Variants in SYT1 observed in about 807,000 individuals in gnomAD.
SYT1 encodes the protein synaptotagmin-1.
A neutral mutation model predicts 44.8 loss-of-function variants in SYT1; 8 were observed. The ratio of observed to expected loss-of-function variants is 0.18; its 90% CI spans 0.10 to 0.32. The LOEUF (loss-of-function observed/expected upper bound fraction) is 0.32. Among genes scored for constraint, SYT1 ranks in the 10% least tolerant of loss-of-function variants. The pLI is 1.00. For missense variants in SYT1, 286 were observed against 509.3 expected (o/e 0.56, Z 4.22); for synonymous variants, 154 against 188.8 (o/e 0.82, Z 1.51).
At chr12:79,047,886 G>C (rs1256049478) in intron 3 of SYT1, among the ~76,000 whole-genome samples, 2 of 151,710 alleles carry the variant, frequency 1.3e-5, no homozygotes, top group South Asian at 4.1e-4. Context: ...GTATTTCCTA[G>C]AAATGTATTT....
intron 3 of SYT1, among the ~76,000 whole-genome samples, chr12:79,134,985 C>CCACA (rs201834566): frequency 0.022 from 3,212 of 147,954 alleles, 165 homozygotes; most frequent in East Asian, 0.18. Context: ...AATGTTCTCA[C>CCACA]CACACACACA....
At chr12:79,193,686 C>T (rs1015069887) in intron 3 of SYT1, among the ~76,000 whole-genome samples, 1 of 152,118 alleles carries the variant, frequency 6.6e-6, no homozygotes, top group East Asian at 1.9e-4. Context: ...TATGATCATG[C>T]CACTGCACTC....
At chr12:79,199,417 C>T (rs1191821982) in intron 3 of SYT1, among the ~76,000 whole-genome samples, 2 of 152,090 alleles carry the variant, frequency 1.3e-5, no homozygotes, top group African/African-American at 4.8e-5. Context: ...TCCCTCTCTC[C>T]ACTGTCAGCA....
chr12:79,100,842 A>T (rs982273930), intron 3 of SYT1, among the ~76,000 whole-genome samples: 4 of 152,074 alleles, frequency 2.6e-5, no homozygotes, highest in African/African-American at 7.2e-5. Context: ...ACTGTTTTTT[A>T]AAAACTTTGA....
chr12:79,148,537 A>G (rs528365345), intron 3 of SYT1, among the ~76,000 whole-genome samples: 1 of 152,166 alleles, frequency 6.6e-6, no homozygotes, highest in African/African-American at 2.4e-5. Context: ...TGGAGATGGC[A>G]CAATTTCACA....
intron 3 of SYT1, among the ~76,000 whole-genome samples, chr12:79,155,924 C>A (rs181048416): frequency 6.6e-6 from 1 of 152,218 alleles, no homozygotes; most frequent in Non-Finnish European, 1.5e-5. Flanking sequence ...CAGTGGATAA[C>A]TTGATTGCCT....
At chr12:79,037,832 C>A (rs1045881889) in intron 2 of SYT1, among the ~76,000 whole-genome samples, 1 of 151,786 alleles carries the variant, frequency 6.6e-6, no homozygotes, top group African/African-American at 2.4e-5. Flanking sequence ...CTACCTAATA[C>A]TCTTTAGTAG....
chr12:78,982,431 A>G (rs1164392930), intron 2 of SYT1, among the ~76,000 whole-genome samples: 2 of 152,192 alleles, frequency 1.3e-5, no homozygotes, highest in Non-Finnish European at 2.9e-5. Flanking sequence ...GGGAAAAAAT[A>G]ATTGTTCATC....
chr12:79,296,682 C>G (rs1231006807), intron 7 of SYT1, among the ~76,000 whole-genome samples: 1 of 152,118 alleles, frequency 6.6e-6, no homozygotes, highest in Admixed American at 6.6e-5. Flanking sequence ...GCAATTTGAG[C>G]ACTTCAAAGT....
chr12:79,382,024 CG>C, intron 9 of SYT1, among the ~76,000 whole-genome samples: 1 of 152,166 alleles, frequency 6.6e-6, no homozygotes, highest in African/African-American at 2.4e-5. Context: ...GATGAGACCA[CG>C]GGGGAGGAAG....
At chr12:79,043,734 C>CATG (rs1873774853) in intron 2 of SYT1, among the ~76,000 whole-genome samples, 2 of 152,180 alleles carry the variant, frequency 1.3e-5, no homozygotes, top group African/African-American at 2.4e-5. Context: ...ATGGTCTTTA[C>CATG]ATTTTGGCAT....
At chr12:79,395,873 A>G (rs1004859764) in intron 9 of SYT1, among the ~76,000 whole-genome samples, 16 of 152,232 alleles carry the variant, frequency 1.1e-4, no homozygotes, top group Non-Finnish European at 1.3e-4. Context: ...CATACTCAGT[A>G]AAGAACTATC....
intron 3 of SYT1, among the ~76,000 whole-genome samples, chr12:79,205,878 TA>T (rs1252329040): frequency 6.6e-6 from 1 of 152,196 alleles, no homozygotes; most frequent in Non-Finnish European, 1.5e-5. Context: ...ACAGTTTGTT[TA>T]AATTTTTTTT....
chr12:78,951,223 G>A (rs181038005), intron 1 of SYT1, among the ~76,000 whole-genome samples: 394 of 152,082 alleles, frequency 2.6e-3, no homozygotes, highest in Non-Finnish European at 4.1e-3. Flanking sequence ...TTTCTTTTGA[G>A]TAAAAAGCGT....
chr12:79,204,222 TAATA>T (rs1251769457), intron 3 of SYT1, among the ~76,000 whole-genome samples: 1 of 152,256 alleles, frequency 6.6e-6, no homozygotes, highest in African/African-American at 2.4e-5. Flanking sequence ...TAGTATAGCT[TAATA>T]AATGTTAGAT....
intron 3 of SYT1, among the ~76,000 whole-genome samples, chr12:79,070,986 A>G (rs1159514398): frequency 6.6e-6 from 1 of 152,178 alleles, no homozygotes; most frequent in East Asian, 1.9e-4. Flanking sequence ...CTGTGTGTAC[A>G]TAAGAGTAGA....
At chr12:79,178,777 A>G (rs1872064540) in intron 3 of SYT1, among the ~76,000 whole-genome samples, 1 of 149,952 alleles carries the variant, frequency 6.7e-6, no homozygotes, top group Non-Finnish European at 1.5e-5. Flanking sequence ...ATTTATTTAT[A>G]TTTATTTATT....
At chr12:79,123,195 C>CT (rs11393778) in intron 3 of SYT1, among the ~76,000 whole-genome samples, 23,093 of 152,002 alleles carry the variant, frequency 0.15, 1,869 homozygotes, top group African/African-American at 0.19. Context: ...CAGAACCTAC[C>CT]TAAGTGCCCA....
intron 4 of SYT1, among the ~76,000 whole-genome samples, chr12:79,236,951 A>G (rs1876226291): frequency 6.6e-6 from 1 of 152,228 alleles, no homozygotes; most frequent in African/African-American, 2.4e-5. Context: ...AAGATGAGCC[A>G]GGAACCATTC....
Sources: allele counts gnomAD v4.1 joint callset (sites outside exome capture counted in the v4.1 genomes callset), GRCh38; gene constraint gnomAD v4.1.1; transcripts MANE v1.5; gene names NCBI Gene and HGNC (gene_info 2026-07-23, HGNC 2026-07-21).